The following FFAR3 variants were observed in gnomAD, a reference collection of about 807,000 sequenced individuals.
FFAR3 encodes the protein G-protein coupled receptor 41.
For missense variants in FFAR3, 136 were observed against 446.5 expected (o/e 0.30, Z 6.27); for synonymous variants, 68 against 201.1 (o/e 0.34, Z 5.60).
rs2066978800 is a variant in FFAR3 at position 35,359,154 on chromosome 19, C to A, written c.264C>A (p.Cys88Ter). Residue 88 changes from cysteine (C) to a stop codon, truncating the protein, a stop_gained, in exon 2 of 2, where the codon TGC becomes TGA. Coordinates refer to ENST00000327809, the MANE Select transcript of FFAR3 (RefSeq NM_005304.5). LOFTEE classifies it low-confidence loss of function (END_TRUNC). Reference protein sequence around the residue: ...GMHWPLPFILCPLSGFIFFTT... With the variant: ...GMHWPLPFIL The stretch of plus-strand genomic sequence containing the variant: ...ACTGGCCCCTGCCCTTCATCCTCTG[C>A]CCACTCTCTGGATTCATCTTCTTCA... 6.2e-7 allele frequency: 1 copy of A among 1,600,526 alleles called. No homozygotes were observed.
At position 35,359,006 on chromosome 19, in the gene FFAR3, T is replaced by A; in HGVS notation, c.116T>A (p.Phe39Tyr). ...CTCAACCTGCTGGCCCTGGTGGTCT[T>A]CGTGGGCAAGCTGCAGCGCCGCCCG... ...LPLNLLALVV[F>Y]VGKLQRRPVA... Residue 39 changes from phenylalanine to tyrosine, a missense_variant, in exon 2 of 2, where the codon TTC (phenylalanine) becomes TAC (tyrosine). Physicochemically the swap from Phe to Tyr is conservative, Grantham distance 22. Coordinates refer to ENST00000327809, the MANE Select transcript of FFAR3 (RefSeq NM_005304.5). 6.2e-7 allele frequency: 1 copy of A among 1,611,642 alleles called. No individual in the cohort carries two copies. The highest frequency in any genetic ancestry group is 8.5e-7 in the Non-Finnish European group (1 of 1,178,330).
Position 35,359,782 on chromosome 19 carries a change from T to C in FFAR3, c.892T>C (p.Trp298Arg). ...HELLRRLCGL[W>R]GQWQQESSME... ...GCTGCTGAGGAGGTTGTGTGGGCTC[T>C]GGGGCCAGTGGCAGCAGGAGAGCAG... The change falls in exon 2 of 2, where the codon TGG becomes CGG. Residue 298 changes from tryptophan to arginine, a missense_variant. Coordinates refer to ENST00000327809, the MANE Select transcript of FFAR3 (RefSeq NM_005304.5). 1 of 1,612,930 alleles carries C rather than the reference T, an allele frequency of 6.2e-7. No homozygotes were observed. Among genetic ancestry groups the C allele is most frequent in the Non-Finnish European group, 8.5e-7 (1 of 1,179,338 alleles).
chr19:35,358,343 A>T, upstream of FFAR3: 1 of 442,548 alleles, frequency 2.3e-6, no homozygotes, highest in Non-Finnish European at 3.1e-6. Context: ...ATGCCATTCT[A>T]GAGAAGCAGA....
rs867621852 is a variant in FFAR3, at chr19:35,359,990, C to A, written c.*59C>A. 4 of 865,284 alleles carry A rather than the reference C, an allele frequency of 4.6e-6. No individual in the cohort carries two copies. The East Asian group carries it at 1.1e-4, about 24-fold the overall frequency. The allele number at this position is 865,284 out of a possible 1,614,324, so 53.6% of individuals were successfully genotyped here. ...CATCCTCAGGGCGCTTCCTCGCTCA[C>A]GCCAGGAGGGACTTGGAGTGGCGAG... On this transcript the variant is annotated 3_prime_UTR_variant, in exon 2 of 2. Transcript: ENST00000327809.
chr19:35,358,990 C>T lies in FFAR3; in HGVS notation c.100C>T (p.Leu34=). Residue 34 remains leucine, a synonymous_variant, in exon 2 of 2, where the codon CTG becomes TTG. Transcript: ENST00000327809. The part of the protein sequence containing the change: ...TFLVGLPLNL[L]ALVVFVGKLQ... Reference sequence around the variant, plus strand: ...CCTGGTGGGGCTCCCCCTCAACCTGCTGGCCCTGGTGGTCTTCGTGGGCAA... The same window carrying T: ...CCTGGTGGGGCTCCCCCTCAACCTGTTGGCCCTGGTGGTCTTCGTGGGCAA... 6.2e-7 allele frequency: 1 copy of T among 1,611,570 alleles called. No individual in the cohort carries two copies. The highest frequency in any genetic ancestry group is 8.5e-7 in the Non-Finnish European group (1 of 1,178,282).
rs395983 is a variant in FFAR3, at chr19:35,360,383, C to T, written c.*452C>T. Reference sequence around the variant, plus strand: ...ATGAGGCCGCATTCTGCTCCCACAGCGCCTTTTCCAGAAAGTTCCCATTGC... The same window carrying T: ...ATGAGGCCGCATTCTGCTCCCACAGTGCCTTTTCCAGAAAGTTCCCATTGC... On this transcript the variant is annotated 3_prime_UTR_variant, in exon 2 of 2. Transcript: ENST00000327809. The T allele has an allele frequency of 0.2, 5,957 of 30,452 alleles. 1,065 individuals carry two copies. The highest frequency in any genetic ancestry group is 0.83 in the East Asian group (85 of 102). 1.9% of individuals were successfully genotyped at this position (30,452 alleles called of 1,614,324 possible). A position where few individuals can be genotyped will look rare whatever the true frequency, so the allele number is the denominator to read the frequency against.
rs765904411 is a variant in FFAR3 at position 35,359,069 on chromosome 19, C to T, written c.179C>T (p.Ser60Leu). The change falls in exon 2 of 2, where the codon TCG becomes TTG. Residue 60 changes from serine to leucine, a missense_variant. By Grantham distance (145) the Ser-to-Leu change is moderately radical. Transcript: ENST00000327809. ...GTGCTCCTGCTCAACCTGACCGCCT[C>T]GGACCTGCTCCTGCTGCTGTTCCTG... The part of the protein sequence containing the change: ...VDVLLLNLTA[S>L]DLLLLLFLPF... 27 of 1,611,762 alleles carry T rather than the reference C, an allele frequency of 1.7e-5. 3 individuals are homozygous for T. Among genetic ancestry groups the T allele is most frequent in the South Asian group, 1.5e-4 (14 of 90,908 alleles).
chr19:35,358,327 G>C, upstream of FFAR3: 1 of 330,522 alleles, frequency 3.0e-6, no homozygotes, highest in South Asian at 8.6e-5. Context: ...AAGGCAAATT[G>C]GATAAATGCC....
chr19:35,358,905 C>T lies in FFAR3; in HGVS notation c.15C>T (p.Pro5=), dbSNP rs780730507. The change falls in exon 2 of 2, where the codon CCC becomes CCT. Residue 5 remains proline, a synonymous_variant. Coordinates refer to ENST00000327809, the MANE Select transcript of FFAR3 (RefSeq NM_005304.5). ...TGGCCACCACCATGGATACAGGCCCCGACCAGTCCTACTTCTCCGGCAATC... is the reference window on the plus strand; with the variant it reads ...TGGCCACCACCATGGATACAGGCCCTGACCAGTCCTACTTCTCCGGCAATC... MDTG[P]DQSYFSGNHW... is the part of the protein sequence containing the mutation. 76 of 1,590,894 alleles carry T rather than the reference C, an allele frequency of 4.8e-5. No homozygotes were observed. Among genetic ancestry groups the T allele is most frequent in the African/African-American group, 9.7e-5 (7 of 72,268 alleles).
Position 35,359,948 on chromosome 19 carries a change from G to A in FFAR3, c.*17G>A, listed in dbSNP as rs1317787624. The A allele has an allele frequency of 4.1e-6, 5 of 1,213,536 alleles. 1 individual carries two copies. The highest frequency in any genetic ancestry group is 2.6e-5 in the East Asian group (1 of 38,832). 75.2% of individuals were successfully genotyped at this position (1,213,536 alleles called of 1,614,324 possible). A position where few individuals can be genotyped will look rare whatever the true frequency, so the allele number is the denominator to read the frequency against. On this transcript the variant is annotated 3_prime_UTR_variant, in exon 2 of 2. Coordinates refer to ENST00000327809, the MANE Select transcript of FFAR3 (RefSeq NM_005304.5). ...GAAAGCTAGGTCCTCCGGGGGAGGA[G>A]GGTGTAGCTGGCATGTCATCCTCAG...
chr19:35,360,316 C>T lies in FFAR3; in HGVS notation c.*385C>T, dbSNP rs1244564418. The T allele has an allele frequency of 6.7e-5, 22 of 326,890 alleles. No homozygotes were observed. The highest frequency in any genetic ancestry group is 1.1e-4 in the Non-Finnish European group (18 of 163,358). 20.2% of individuals were successfully genotyped at this position (326,890 alleles called of 1,614,324 possible). On this transcript the variant is annotated 3_prime_UTR_variant, in exon 2 of 2. Transcript: ENST00000327809. Reference sequence around the variant, plus strand: ...GGAGAACCCCATCCTCAGAGCTGCTCCCAGCCAGCGAGTCAGGAGCGGGGG... The same window carrying T: ...GGAGAACCCCATCCTCAGAGCTGCTTCCAGCCAGCGAGTCAGGAGCGGGGG...
upstream of FFAR3, chr19:35,358,394 G>T: frequency 1.1e-6 from 1 of 931,514 alleles, no homozygotes; most frequent in Non-Finnish European, 1.3e-6. Context: ...ACGTCGGCTG[G>T]GGCCTGCTTA....
At position 35,359,112 on chromosome 19, in the gene FFAR3, G is replaced by A; in HGVS notation, c.222G>A (p.Glu74=). ...TGTTCCTGCCTTTCCGCATGGTGGA[G>A]GCAGCCAATGGCATGCACTGGCCCC... ...LLLFLPFRMV[E]AANGMHWPLP... The change falls in exon 2 of 2, where the codon GAG becomes GAA. Residue 74 remains glutamate (E), a synonymous_variant. Coordinates refer to ENST00000327809, the MANE Select transcript of FFAR3 (RefSeq NM_005304.5). 1 of 1,607,596 alleles carries A rather than the reference G, an allele frequency of 6.2e-7. No individual in the cohort carries two copies. The highest frequency in any genetic ancestry group is 8.5e-7 in the Non-Finnish European group (1 of 1,175,332).
At position 35,358,498 on chromosome 19, in the gene FFAR3, C is replaced by G. The variant is rs2066974262; in HGVS notation, c.-163C>G. ...GCTGACCAGCCCTGGCAACGGAGCT[C>G]AAGGCATCTATGTGCCACTGCTCAA... On this transcript the variant is annotated 5_prime_UTR_variant, in exon 1 of 2. Transcript: ENST00000327809. The G allele has an allele frequency of 6.7e-6, 8 of 1,189,354 alleles. No individual in the cohort carries two copies. Among genetic ancestry groups the G allele is most frequent in the Non-Finnish European group, 8.4e-6 (8 of 951,318 alleles). 73.7% of individuals were successfully genotyped at this position (1,189,354 alleles called of 1,614,324 possible).
At chr19:35,358,410 T>A, upstream of FFAR3, 1 of 1,063,918 alleles carries the variant, frequency 9.4e-7, no homozygotes, top group Non-Finnish European at 1.1e-6. Flanking sequence ...GCTTAGAGCA[T>A]CCCAGCTGAG....
Position 35,359,417 on chromosome 19 carries a change from A to C in FFAR3, c.527A>C (p.Asp176Ala). ...NGTCYLEFRK[D>A]QLAILLPVRL... ...ACCTGCTACCTGGAGTTCCGGAAGG[A>C]CCAGCTAGCCATCCTCCTGCCCGTG... is the stretch of plus-strand genomic sequence containing the variant. The change falls in exon 2 of 2, where the codon GAC becomes GCC. Residue 176 changes from aspartate to alanine, a missense_variant. By Grantham distance (126) the Asp-to-Ala change is moderately radical. Coordinates refer to ENST00000327809, the MANE Select transcript of FFAR3 (RefSeq NM_005304.5). 1 of 1,614,026 alleles carries C rather than the reference A, an allele frequency of 6.2e-7. No individual in the cohort carries two copies. The highest frequency in any genetic ancestry group is 1.1e-5 in the South Asian group (1 of 91,078).
In FFAR3 at chr19:35,358,956, T is replaced by A. The variant is rs1331820593; in HGVS notation, c.66T>A (p.Leu22=). ...ACTGGTTCGTCTTCTCGGTGTACCT[T>A]CTCACTTTCCTGGTGGGGCTCCCCC... ...GNHWFVFSVY[L]LTFLVGLPLN... is the part of the protein sequence containing the mutation. The change falls in exon 2 of 2, where the codon CTT becomes CTA. Residue 22 remains leucine, a synonymous_variant. Transcript: ENST00000327809. 6.2e-7 allele frequency: 1 copy of A among 1,608,452 alleles called. No homozygotes were observed. The highest frequency in any genetic ancestry group is 1.3e-5 in the African/African-American group (1 of 74,200).
At chr19:35,358,218 A>C (rs951393361), upstream of FFAR3, among the ~76,000 whole-genome samples, 1 of 152,232 alleles carries the variant, frequency 6.6e-6, no homozygotes, top group Non-Finnish European at 1.5e-5. Context: ...AAGCAGAAAC[A>C]TGGAGAATTT....
rs1350512913 is a variant in FFAR3, at chr19:35,359,291, T to C, written c.401T>C (p.Leu134Pro). The stretch of plus-strand genomic sequence containing the variant: ...CGGCCGAGGCTGGGGCAGGCAGGTC[T>C]GGTGAGTGTGGCCTGCTGGCTGTTG... Reference protein sequence around the residue: ...KTRPRLGQAGLVSVACWLLAS... With the variant: ...KTRPRLGQAGPVSVACWLLAS... Residue 134 changes from leucine (L) to proline (P), a missense_variant, in exon 2 of 2, where the codon CTG becomes CCG. Leu to Pro is a moderately conservative substitution (Grantham distance 98, BLOSUM62 -3). Coordinates refer to ENST00000327809, the MANE Select transcript of FFAR3 (RefSeq NM_005304.5). The C allele has an allele frequency of 6.3e-7, 1 of 1,598,020 alleles. No homozygotes were observed. The highest frequency in any genetic ancestry group is 8.6e-7 in the Non-Finnish European group (1 of 1,167,332).
Sources: allele counts gnomAD v4.1 joint callset (sites outside exome capture counted in the v4.1 genomes callset), GRCh38; gene constraint gnomAD v4.1.1; transcripts MANE v1.5; gene names NCBI Gene and HGNC (gene_info 2026-07-23, HGNC 2026-07-21).